Variants in GGA2 observed in about 807,000 individuals in gnomAD.
GGA2 encodes golgi associated, gamma adaptin ear containing, ARF binding protein 2.
In GGA2, 48 loss-of-function variants were observed where a neutral mutation model predicts 79.5. That is an observed-to-expected ratio of 0.60 (90% confidence interval 0.48 to 0.77). GGA2 has a LOEUF of 0.77. Ranked by LOEUF, GGA2 falls within the 30% of genes least tolerant of loss-of-function variation. The probability of loss-of-function intolerance (pLI) is 0.00; values close to 1 mark genes in which losing one functional copy is unlikely to be tolerated. For missense variants in GGA2, 770 were observed against 774.0 expected, an observed-to-expected ratio of 0.99 and a Z score of 0.06; for synonymous variants, 317 against 302.0, an observed-to-expected ratio of 1.05 and a Z score of -0.51.
chr16:23,521,078 C>T (rs963638934), intron 1 of GGA2, among the ~76,000 whole-genome samples: 3 of 152,146 alleles, frequency 2.0e-5, no homozygotes, highest in Admixed American at 6.5e-5. Flanking sequence ...AGGTGTGAGC[C>T]ACCAGGCCCA....
intron 12 of GGA2, 175 bp downstream of exon 12, chr16:23,478,708 T>TCC (rs780587863): frequency 1.9e-5 from 14 of 734,036 alleles, no homozygotes; most frequent in Admixed American, 1.4e-4. Context: ...GCAACCTGTC[T>TCC]CCCCCAGGTA....
At chr16:23,491,206 C>G (rs1162175359) in intron 5 of GGA2, among the ~76,000 whole-genome samples, 1 of 146,930 alleles carries the variant, frequency 6.8e-6, no homozygotes, top group African/African-American at 2.5e-5. Flanking sequence ...GCTTGGGAGA[C>G]TGAGGCAGGA....
intron 13 of GGA2, among the ~76,000 whole-genome samples, chr16:23,476,690 A>C (rs1964580105): frequency 6.6e-6 from 1 of 152,230 alleles, no homozygotes; most frequent in Admixed American, 6.5e-5. Flanking sequence ...GTACCACTAC[A>C]TGTATACAAA....
intron 14 of GGA2, among the ~76,000 whole-genome samples, chr16:23,470,736 G>A (rs530285619): frequency 1.5e-3 from 206 of 133,148 alleles, no homozygotes; most frequent in African/African-American, 5.2e-3. Flanking sequence ...GTGACAGAGC[G>A]AGACTCTGTC....
chr16:23,475,985 C>T (rs1213981358), intron 13 of GGA2, among the ~76,000 whole-genome samples: 4 of 151,734 alleles, frequency 2.6e-5, no homozygotes, highest in Non-Finnish European at 5.9e-5. Flanking sequence ...ATAATAAGAA[C>T]CCAATAACCT....
chr16:23,500,535 G>A (rs1389233568), intron 1 of GGA2, among the ~76,000 whole-genome samples: 2 of 152,222 alleles, frequency 1.3e-5, no homozygotes, highest in Non-Finnish European at 2.9e-5. Flanking sequence ...GGCAGTGTGC[G>A]GGGCCTGGGG....
chr16:23,522,266 G>C (rs550393372), upstream of GGA2: 52 of 164,298 alleles, frequency 3.2e-4, 1 homozygote, highest in South Asian at 7.8e-3. Flanking sequence ...TACTGGCCAA[G>C]GAATGGTAGC....
Position 23,470,004 on chromosome 16 carries a change from C to A in GGA2, c.1612G>T (p.Val538Leu). 6.5e-7 allele frequency: 1 copy of A among 1,550,270 alleles called. No individual in the cohort carries two copies. The highest frequency in any genetic ancestry group is 1.2e-5 in the South Asian group (1 of 80,288). ...CCCAACAGATGACTCACCTTTGGCACAGCCACTTGAAACATGATATCCCAG... is the reference window on the plus strand; with the variant it reads ...CCCAACAGATGACTCACCTTTGGCAAAGCCACTTGAAACATGATATCCCAG... ...PVWDIMFQVA[V>L]PKSMRVKLQP... Residue 538 changes from valine to leucine, a missense_variant, in exon 15 of 17, where the codon GTG becomes TTG. Val to Leu is a conservative substitution (Grantham distance 32). Coordinates refer to ENST00000309859, the MANE Select transcript of GGA2 (RefSeq NM_015044.4).
At chr16:23,517,945 G>A (rs1965111635) in intron 2 of GGA2, among the ~76,000 whole-genome samples, 1 of 151,182 alleles carries the variant, frequency 6.6e-6, no homozygotes, top group South Asian at 2.1e-4. Flanking sequence ...TTGAGATGGA[G>A]TCTGTCACCC....
intron 6 of GGA2, 65 bp downstream of exon 6, chr16:23,488,541 A>T: frequency 3.2e-6 from 3 of 937,078 alleles, no homozygotes; most frequent in Non-Finnish European, 1.8e-6. Flanking sequence ...TTCAAGCATC[A>T]AAGGGCATTT....
intron 16 of GGA2, 22 bp from the exon 17 acceptor site, chr16:23,467,722 A>C (rs1265542544): frequency 8.0e-7 from 1 of 1,257,730 alleles, no homozygotes; most frequent in Admixed American, 1.7e-5. Context: ...GAGACAGAAG[A>C]TGTCAAATCA....
intron 8 of GGA2, among the ~76,000 whole-genome samples, 163 bp downstream of exon 8, chr16:23,485,851 AG>A (rs1393786350): frequency 1.3e-5 from 2 of 152,312 alleles, no homozygotes; most frequent in African/African-American, 4.8e-5. Context: ...CTGGGGAGCA[AG>A]GGACAGACAA....
upstream of GGA2, chr16:23,524,170 G>A (rs1028683326): frequency 6.6e-6 from 4 of 609,126 alleles, no homozygotes; most frequent in Non-Finnish European, 1.2e-5. Context: ...GAGGTTAGAT[G>A]GGTTGGGCTT....
At chr16:23,468,147 C>CCT (rs903806955) in intron 16 of GGA2, among the ~76,000 whole-genome samples, 13 of 151,970 alleles carry the variant, frequency 8.6e-5, no homozygotes, top group Non-Finnish European at 1.8e-4. Context: ...TCCTTCCCTC[C>CCT]CTCTCTCTCT....
At chr16:23,523,689 C>G (rs1407305595), upstream of GGA2, 1 of 152,196 alleles carries the variant, frequency 6.6e-6, no homozygotes, top group African/African-American at 2.4e-5. Flanking sequence ...TAAATTCTTA[C>G]GTTGAGAAAC....
intron 14 of GGA2, 68 bp from the exon 15 acceptor site, chr16:23,470,233 G>C: frequency 8.1e-7 from 1 of 1,240,836 alleles, no homozygotes; most frequent in Non-Finnish European, 1.1e-6. Context: ...AGGCTGGAAA[G>C]AGATGTACAT....
intron 8 of GGA2, among the ~76,000 whole-genome samples, chr16:23,484,179 G>A (rs1289811754): frequency 2.0e-5 from 3 of 151,020 alleles, no homozygotes; most frequent in Admixed American, 1.3e-4. Context: ...AGGCTGAGAC[G>A]GGTGGATCAC....
At chr16:23,482,504 T>G (rs895945123) in intron 9 of GGA2, among the ~76,000 whole-genome samples, 1 of 152,204 alleles carries the variant, frequency 6.6e-6, no homozygotes, top group African/African-American at 2.4e-5. Flanking sequence ...TCCACTTCCT[T>G]ACAGATGTAC....
intron 14 of GGA2, among the ~76,000 whole-genome samples, chr16:23,473,073 C>T (rs1964533376): frequency 6.6e-6 from 1 of 150,494 alleles, no homozygotes; most frequent in South Asian, 2.1e-4. Context: ...ATTACAGTAC[C>T]TCTACTTAAT....
Sources: allele counts gnomAD v4.1 joint callset (sites outside exome capture counted in the v4.1 genomes callset), GRCh38; gene constraint gnomAD v4.1.1; transcripts MANE v1.5; gene names NCBI Gene and HGNC (gene_info 2026-07-23, HGNC 2026-07-21).